The following PCDH7 variants were observed in gnomAD, a reference collection of about 807,000 sequenced individuals.
PCDH7 encodes protocadherin-7.
Under a neutral mutation model 58.9 loss-of-function variants are expected in PCDH7, and 17 were observed. That is an observed-to-expected ratio of 0.29 (90% CI 0.20 to 0.43). PCDH7 has a LOEUF of 0.43. Among genes scored for constraint, PCDH7 ranks in the 20% least tolerant of loss-of-function variants. The pLI, the probability that PCDH7 is intolerant of heterozygous loss-of-function variation, is 1.00. For synonymous variants in PCDH7, 664 were observed against 616.4 expected (o/e 1.08, Z -1.14); for missense variants, 1,274 against 1,441.0 (o/e 0.88, Z 1.88).
At chr4:30,945,893 C>G (rs1420836966) in intron 2 of PCDH7, among the ~76,000 whole-genome samples, 1 of 152,110 alleles carries the variant, frequency 6.6e-6, no homozygotes, top group Non-Finnish European at 1.5e-5. Flanking sequence ...TCAAGGTGAC[C>G]TCTCCACACT....
chr4:30,894,479 AAAAAAAAAAAAATATATATATATAT>A (rs1209300332), intron 1 of PCDH7, among the ~76,000 whole-genome samples: 6 of 61,942 alleles, frequency 9.7e-5, no homozygotes, highest in Admixed American at 2.4e-4. Flanking sequence ...AAAAAAAAAA[AAAAAAAAAAAAATATATATATATAT>A]ATATATATAT....
intron 3 of PCDH7, among the ~76,000 whole-genome samples, chr4:31,042,068 G>A (rs1015227158): frequency 6.6e-6 from 1 of 152,176 alleles, no homozygotes; most frequent in African/African-American, 2.4e-5. Context: ...AAAGTATGCA[G>A]TGAGTTAGGG....
rs369166555 is a variant in PCDH7, at chr4:30,905,950, G to A, written c.71-14203G>A. Among the ~76,000 whole-genome samples, 45 of 152,254 alleles carry A rather than the reference G, an allele frequency of 3.0e-4. 1 individual carries two copies. The highest frequency in any genetic ancestry group is 1.2e-3 in the South Asian group (6 of 4,828). Reference sequence around the variant, plus strand: ...GCTAAGAAGAAATCACAGAAGAGATGGTTTCAGAGGTAGGGAAGATTTAAA... The same window carrying A: ...GCTAAGAAGAAATCACAGAAGAGATAGTTTCAGAGGTAGGGAAGATTTAAA... On this transcript the variant is annotated intron_variant, in intron 1 of 3. Transcript: ENST00000509759.
chr4:31,137,385 C>A (rs1044567799), intron 3 of PCDH7, among the ~76,000 whole-genome samples: 5 of 152,296 alleles, frequency 3.3e-5, no homozygotes, highest in Non-Finnish European at 7.3e-5. Flanking sequence ...GAGTTCGAGA[C>A]CAGCCTGGCC....
At chr4:31,042,614 T>C (rs891610905) in intron 3 of PCDH7, among the ~76,000 whole-genome samples, 1 of 152,094 alleles carries the variant, frequency 6.6e-6, no homozygotes, top group African/African-American at 2.4e-5. Context: ...GGATTAGATA[T>C]CGAAGTCAAA....
At chr4:31,065,691 A>G (rs551890543) in intron 3 of PCDH7, among the ~76,000 whole-genome samples, 1 of 152,100 alleles carries the variant, frequency 6.6e-6, no homozygotes, top group East Asian at 1.9e-4. Flanking sequence ...AGACTGTAAG[A>G]AATTCACTTT....
intron 3 of PCDH7, among the ~76,000 whole-genome samples, chr4:30,989,530 T>C (rs1396902003): frequency 6.6e-6 from 1 of 152,134 alleles, no homozygotes; most frequent in Non-Finnish European, 1.5e-5. Context: ...CTCATTAACC[T>C]TTTACAGGTG....
intron 1 of PCDH7, among the ~76,000 whole-genome samples, chr4:30,896,208 G>A (rs1210025970): frequency 6.6e-6 from 1 of 152,252 alleles, no homozygotes; most frequent in Admixed American, 6.5e-5. Context: ...TGTCTAGAGA[G>A]CATATAATTT....
intron 1 of PCDH7, among the ~76,000 whole-genome samples, chr4:30,775,583 G>T (rs1721952158): frequency 6.6e-6 from 1 of 152,054 alleles, no homozygotes; most frequent in African/African-American, 2.4e-5. Flanking sequence ...TTTTGCTTCT[G>T]TTGTGCTTTC....
In PCDH7 at chr4:30,722,112, GGGC is replaced by G. The variant is rs1311400733; in HGVS notation, c.700_702del (p.Gly234del). The G allele has an allele frequency of 2.1e-6, 3 of 1,422,080 alleles. No homozygotes were observed. The highest frequency in any genetic ancestry group is 5.7e-5 in the East Asian group (2 of 35,028). 88.1% of individuals were successfully genotyped at this position (1,422,080 alleles called of 1,614,324 possible). ...CCAAGCGGCGGCTGGACGCATCAGA[GGGC>G]GGCGGCGGCACCAACCCCGGCGGCC... On this transcript the variant is annotated inframe_deletion, in exon 1 of 2. Transcript: ENST00000361762. The surrounding 1 kb of genome is among the most constrained non-coding windows in gnomAD (Gnocchi z 7.6).
intron 3 of PCDH7, among the ~76,000 whole-genome samples, chr4:31,101,841 C>T (rs1714932006): frequency 6.6e-6 from 1 of 152,142 alleles, no homozygotes; most frequent in Non-Finnish European, 1.5e-5. Flanking sequence ...CCCTTGTGTG[C>T]TTGTTGCATC....
intron 2 of PCDH7, among the ~76,000 whole-genome samples, chr4:30,942,171 A>G (rs945765746): frequency 6.6e-6 from 1 of 151,952 alleles, no homozygotes; most frequent in Admixed American, 6.6e-5. Context: ...TAATTAATGA[A>G]TAAATGAATA....
chr4:30,889,200 G>A, intron 1 of PCDH7, among the ~76,000 whole-genome samples: 1 of 145,470 alleles, frequency 6.9e-6, no homozygotes, highest in Non-Finnish European at 1.5e-5. Flanking sequence ...TCTTCTTTAA[G>A]TTACCAAGAG....
At position 30,925,543 on chromosome 4, in the gene PCDH7, G is replaced by A. The variant is rs1005187941; in HGVS notation, c.287+5174G>A. On this transcript the variant is annotated intron_variant, in intron 2 of 3. Coordinates refer to the PCDH7 transcript ENST00000509759. ...TACCTTTTTTCGTCTTCTGCAGAAAGAGACTAACATGACTTGCTAAGGATT... is the reference window on the plus strand; with the variant it reads ...TACCTTTTTTCGTCTTCTGCAGAAAAAGACTAACATGACTTGCTAAGGATT... Among the ~76,000 whole-genome samples the A allele has an allele frequency of 5.9e-5, 9 of 152,154 alleles. No homozygotes were observed. In the East Asian group the frequency reaches 1.5e-3, roughly 26 times the overall value.
intron 1 of PCDH7, among the ~76,000 whole-genome samples, chr4:30,844,324 T>C: frequency 6.6e-6 from 1 of 152,222 alleles, no homozygotes; most frequent in East Asian, 1.9e-4. Context: ...TGCAAAATTG[T>C]CACTGTGGAA....
intron 3 of PCDH7, among the ~76,000 whole-genome samples, chr4:30,970,915 A>G (rs1749529720): frequency 6.6e-6 from 1 of 152,244 alleles, no homozygotes; most frequent in Non-Finnish European, 1.5e-5. Context: ...CAAAGTGTAC[A>G]GTGAGTTCAT....
chr4:30,999,112 T>C (rs1455026066), intron 3 of PCDH7, among the ~76,000 whole-genome samples: 1 of 152,156 alleles, frequency 6.6e-6, no homozygotes, highest in Non-Finnish European at 1.5e-5. Context: ...GAACTCTGGC[T>C]GTGACCTATA....
At chr4:30,988,964 A>G (rs1215018504) in intron 3 of PCDH7, among the ~76,000 whole-genome samples, 1 of 152,170 alleles carries the variant, frequency 6.6e-6, no homozygotes, top group Non-Finnish European at 1.5e-5. Context: ...CTCTTTTTTA[A>G]TTGAAAGTTC....
chr4:30,905,302 C>G (rs895853617), intron 1 of PCDH7, among the ~76,000 whole-genome samples: 7 of 151,972 alleles, frequency 4.6e-5, no homozygotes, highest in African/African-American at 7.2e-5. Flanking sequence ...CAGCATTGCT[C>G]CCTTGAACTG....
Sources: gnomAD v4.1 joint callset for allele counts (sites outside exome capture counted in the v4.1 genomes callset) on GRCh38, gnomAD v4.1.1 for gene constraint, Gnocchi (gnomAD v3.1) non-coding constraint, MANE v1.5 for transcripts, NCBI Gene and HGNC (gene_info 2026-07-23, HGNC 2026-07-21) for gene names.